Variants in PTPRN2 observed in about 807,000 individuals in gnomAD.
PTPRN2 encodes protein tyrosine phosphatase receptor type N2.
PTPRN2 carries 74 observed loss-of-function variants against 118.8 expected under a neutral mutation model. That is an observed-to-expected ratio of 0.62 (90% confidence interval 0.52 to 0.76). PTPRN2 has a LOEUF of 0.76. Among genes scored for constraint, PTPRN2 ranks in the 30% least tolerant of loss-of-function variants. The pLI, the probability that PTPRN2 is intolerant of heterozygous loss-of-function variation, is 0.00. For missense variants in PTPRN2, 1,481 were observed against 1,394.4 expected (o/e 1.06, Z -0.99); for synonymous variants, 641 against 608.0 (o/e 1.05, Z -0.80).
chr7:158,170,116 G>A (rs907893241), intron 5 of PTPRN2, among the ~76,000 whole-genome samples: 6 of 152,240 alleles, frequency 3.9e-5, no homozygotes, highest in Non-Finnish European at 8.8e-5. Flanking sequence ...AAGAGAATAT[G>A]TGAGAGAGCA....
intron 12 of PTPRN2, among the ~76,000 whole-genome samples, chr7:157,692,790 C>T (rs1202275129): frequency 1.3e-5 from 2 of 152,056 alleles, no homozygotes; most frequent in Non-Finnish European, 2.9e-5. Context: ...GGGTACATCA[C>T]CTTGGCCCTC....
intron 2 of PTPRN2, among the ~76,000 whole-genome samples, chr7:158,393,679 T>A (rs1331423122): frequency 6.6e-6 from 1 of 152,194 alleles, no homozygotes; most frequent in Non-Finnish European, 1.5e-5. Flanking sequence ...TGGGGGATGC[T>A]TCCCAATAGT....
chr7:158,535,325 G>A (rs1825584011), intron 1 of PTPRN2, among the ~76,000 whole-genome samples: 1 of 152,182 alleles, frequency 6.6e-6, no homozygotes, highest in African/African-American at 2.4e-5. Flanking sequence ...TCCCCATTCA[G>A]CTGCGTGAAT....
chr7:158,497,965 T>C (rs2129446122), intron 1 of PTPRN2, among the ~76,000 whole-genome samples: 1 of 152,378 alleles, frequency 6.6e-6, no homozygotes, highest in East Asian at 1.9e-4. Context: ...TGAGTGACCG[T>C]GCCTTACTGC....
intron 2 of PTPRN2, among the ~76,000 whole-genome samples, chr7:158,320,757 T>A (rs921776721): frequency 6.6e-6 from 1 of 152,160 alleles, no homozygotes; most frequent in Non-Finnish European, 1.5e-5. Flanking sequence ...TTCTAGTAAA[T>A]ACTCAGCAAT....
chr7:158,562,342 C>T (rs900343983), intron 1 of PTPRN2, among the ~76,000 whole-genome samples: 3 of 152,142 alleles, frequency 2.0e-5, no homozygotes, highest in Admixed American at 6.5e-5. Flanking sequence ...ACCTTTGAGA[C>T]CTTGTCACCT....
In PTPRN2 at chr7:158,166,926, C is replaced by T. The variant is rs1287153549; in HGVS notation, c.910+5G>A. 1.4e-6 allele frequency: 2 copies of T among 1,425,194 alleles called. No homozygotes were observed. Among genetic ancestry groups the T allele is most frequent in the Non-Finnish European group, 1.8e-6 (2 of 1,084,264 alleles). The allele number at this position is 1,425,194 out of a possible 1,614,324, so 88.3% of individuals were successfully genotyped here. On this transcript the variant is annotated splice_donor_5th_base_variant and intron_variant, in intron 6 of 22. Transcript: ENST00000389418. ...AACAAGAAACACCAAGCGGGGCTGGCTCACCATCGCCTGTGCTGGAGGGGT... is the reference window on the plus strand; with the variant it reads ...AACAAGAAACACCAAGCGGGGCTGGTTCACCATCGCCTGTGCTGGAGGGGT...
At chr7:158,341,877 A>C in intron 2 of PTPRN2, among the ~76,000 whole-genome samples, 1 of 99,044 alleles carries the variant, frequency 1.0e-5, no homozygotes, top group Non-Finnish European at 1.9e-5. Flanking sequence ...CGCAGGCGTC[A>C]CTCACACCCA....
chr7:157,612,922 A>G (rs1156779636), intron 15 of PTPRN2, among the ~76,000 whole-genome samples: 1 of 152,150 alleles, frequency 6.6e-6, no homozygotes, highest in Non-Finnish European at 1.5e-5. Context: ...ACCCCACGGC[A>G]GCCGAAGGCC....
At chr7:158,422,016 T>A (rs1400574481) in intron 2 of PTPRN2, among the ~76,000 whole-genome samples, 1 of 152,230 alleles carries the variant, frequency 6.6e-6, no homozygotes, top group East Asian at 1.9e-4. Context: ...GTAGTTTGGT[T>A]CTTGGCAATC....
In PTPRN2 at chr7:157,618,139, G is replaced by A. The variant is rs1802909680; in HGVS notation, c.2344+3223C>T. 6.6e-6 allele frequency: 1 copy of A among 152,236 alleles called. No homozygotes were observed. Among genetic ancestry groups the A allele is most frequent in the African/African-American group, 2.4e-5 (1 of 41,438 alleles). The allele number at this position is 152,236 out of a possible 1,614,324, so 9.4% of individuals were successfully genotyped here. ...CTCATTCCGATCAGGGTGCATCTGG[G>A]AAGTCGGGCGACTGTGTCCATCTCC... On this transcript the variant is annotated intron_variant, in intron 15 of 22. Coordinates refer to ENST00000389418, the MANE Select transcript of PTPRN2 (RefSeq NM_002847.5). This position sits in a 1 kb window ranked among gnomAD's most constrained non-coding sequence, Gnocchi z 4.2.
At chr7:158,561,972 T>C (rs987275275) in intron 1 of PTPRN2, among the ~76,000 whole-genome samples, 2 of 152,190 alleles carry the variant, frequency 1.3e-5, no homozygotes, top group Non-Finnish European at 2.9e-5. Context: ...GCTGAGACAC[T>C]GAGCTGCAGA....
At chr7:158,110,429 G>A (rs561380547) in intron 10 of PTPRN2, among the ~76,000 whole-genome samples, 61 of 152,176 alleles carry the variant, frequency 4.0e-4, no homozygotes, top group Non-Finnish European at 7.2e-4. Context: ...GTCTCCGAAG[G>A]GCAGCGCATT....
At chr7:158,326,832 C>T (rs1490274274) in intron 2 of PTPRN2, among the ~76,000 whole-genome samples, 1 of 14,444 alleles carries the variant, frequency 6.9e-5, no homozygotes, top group African/African-American at 4.8e-4. Flanking sequence ...CTCACACATG[C>T]TCTCACATGC....
At chr7:158,154,006 T>C (rs1378326881) in intron 6 of PTPRN2, among the ~76,000 whole-genome samples, 2 of 152,042 alleles carry the variant, frequency 1.3e-5, no homozygotes, top group Non-Finnish European at 2.9e-5. Flanking sequence ...GTAGGAACCA[T>C]GGGAGGGTTC....
intron 3 of PTPRN2, among the ~76,000 whole-genome samples, chr7:158,217,933 T>C (rs2150783353): frequency 6.6e-6 from 1 of 152,120 alleles, no homozygotes; most frequent in African/African-American, 2.4e-5. Flanking sequence ...CTCTGAAAAG[T>C]ATGGGATTAT....
intron 12 of PTPRN2, among the ~76,000 whole-genome samples, chr7:157,829,360 T>C (rs1807396917): frequency 6.6e-6 from 1 of 152,206 alleles, no homozygotes. Context: ...GTAGAAGTCC[T>C]TAAAAAAGAC....
chr7:158,136,601 A>AAAT, intron 8 of PTPRN2, 54 bp downstream of exon 8: 1 of 1,568,910 alleles, frequency 6.4e-7, no homozygotes, highest in South Asian at 1.1e-5. Context: ...ATGAACAAAA[A>AAAT]GATCACCAAC....
At chr7:158,328,289 T>G (rs1336728839) in intron 2 of PTPRN2, among the ~76,000 whole-genome samples, 1 of 152,174 alleles carries the variant, frequency 6.6e-6, no homozygotes, top group Non-Finnish European at 1.5e-5. Flanking sequence ...CCAGGTCAGA[T>G]TTAAGGAGCC....
Sources: gnomAD v4.1 joint callset for allele counts (sites outside exome capture counted in the v4.1 genomes callset) on GRCh38, gnomAD v4.1.1 for gene constraint, Gnocchi (gnomAD v3.1) non-coding constraint, MANE v1.5 for transcripts, NCBI Gene and HGNC (gene_info 2026-07-23, HGNC 2026-07-21) for gene names.